Variants in VWA3A observed in about 807,000 individuals in gnomAD.
VWA3A encodes the protein von Willebrand factor A domain-containing protein 3A.
A neutral mutation model predicts 160.4 loss-of-function variants in VWA3A; 134 were observed. The observed-to-expected ratio is 0.84, with a 90% confidence interval of 0.73 to 0.96. The LOEUF (loss-of-function observed/expected upper bound fraction) is 0.96, where lower values mean the gene tolerates loss of function less well. Among genes scored for constraint, VWA3A ranks in the 40% least tolerant of loss-of-function variants. VWA3A has a pLI of 0.00. For synonymous variants in VWA3A, 476 were observed against 543.4 expected, an observed-to-expected ratio of 0.88 and a Z score of 1.72; for missense variants, 1,310 against 1,447.9, an observed-to-expected ratio of 0.90 and a Z score of 1.55.
intron 18 of VWA3A, 30 bp from the exon 19 acceptor site, chr16:22,131,555 C>G: frequency 6.2e-7 from 1 of 1,606,080 alleles, no homozygotes; most frequent in Non-Finnish European, 8.5e-7. Flanking sequence ...GGGCCAATGA[C>G]CCTCAGCATG....
At chr16:22,141,497 A>C in intron 23 of VWA3A, 85 bp from the exon 24 acceptor site, 8 of 1,281,680 alleles carry the variant, frequency 6.2e-6, no homozygotes, top group Non-Finnish European at 8.8e-6. Context: ...GTATAGCTGA[A>C]CTTGAGTGTC....
chr16:22,149,314 G>A (rs969881733), intron 28 of VWA3A, among the ~76,000 whole-genome samples: 5 of 152,038 alleles, frequency 3.3e-5, no homozygotes, highest in Admixed American at 6.6e-5. Context: ...ATCATAGCTC[G>A]CTGCAGCCTC....
intron 17 of VWA3A, among the ~76,000 whole-genome samples, chr16:22,130,550 A>G (rs1000289228): frequency 6.6e-6 from 1 of 152,146 alleles, no homozygotes; most frequent in Non-Finnish European, 1.5e-5. Context: ...CTTCTCAAAG[A>G]TCTTAAATTC....
At chr16:22,098,911 C>CAAA (rs900328333) in intron 3 of VWA3A, among the ~76,000 whole-genome samples, 1,106 of 41,070 alleles carry the variant, frequency 0.027, 91 homozygotes, top group Non-Finnish European at 0.033. Context: ...CCTGTTTCCA[C>CAAA]AAAAAAAAAA....
At chr16:22,119,982 C>A (rs1282895700) in intron 12 of VWA3A, among the ~76,000 whole-genome samples, 1 of 150,238 alleles carries the variant, frequency 6.7e-6, no homozygotes, top group Non-Finnish European at 1.5e-5. Flanking sequence ...AGTCCCACTG[C>A]ACTCCATCTT....
At chr16:22,118,732 C>A (rs2045685991) in intron 11 of VWA3A, among the ~76,000 whole-genome samples, 170 bp from the exon 12 acceptor site, 1 of 152,154 alleles carries the variant, frequency 6.6e-6, no homozygotes, top group African/African-American at 2.4e-5. Context: ...ACAAACGGAG[C>A]ACAGCATGTC....
At chr16:22,105,687 T>C (rs2045473227) in intron 6 of VWA3A, among the ~76,000 whole-genome samples, 1 of 152,368 alleles carries the variant, frequency 6.6e-6, no homozygotes. Context: ...TTGCCTCTTA[T>C]GTACTTGTCC....
intron 21 of VWA3A, among the ~76,000 whole-genome samples, chr16:22,135,230 C>CT (rs1399439029): frequency 3.6e-5 from 2 of 54,834 alleles, no homozygotes; most frequent in Non-Finnish European, 5.5e-5. Flanking sequence ...CTTAGAGGAG[C>CT]CGGCTAAAGT....
At chr16:22,115,916 A>G (rs1482325299) in intron 9 of VWA3A, among the ~76,000 whole-genome samples, 13 of 29,896 alleles carry the variant, frequency 4.3e-4, no homozygotes, top group African/African-American at 1.8e-3. Flanking sequence ...GAAGGAAGGA[A>G]GGAAGGAAAG....
intron 21 of VWA3A, among the ~76,000 whole-genome samples, chr16:22,136,692 G>A (rs577522379): frequency 2.8e-4 from 43 of 151,988 alleles, no homozygotes; most frequent in East Asian, 1.2e-3. Context: ...CTCCCCCTGC[G>A]TGCCTGTGCT....
rs2045971726 is a variant in VWA3A at position 22,132,825 on chromosome 16, A to G, written c.1873-75A>G. 14 of 1,460,704 alleles carry G rather than the reference A, an allele frequency of 9.6e-6. No homozygotes were observed. In the South Asian group the frequency reaches 1.6e-4, roughly 17 times the overall value. 90.5% of individuals were successfully genotyped at this position (1,460,704 alleles called of 1,614,324 possible). On this transcript the variant is annotated intron_variant, in intron 19 of 33. Coordinates refer to ENST00000389398, the MANE Select transcript of VWA3A (RefSeq NM_173615.5). Reference sequence around the variant, plus strand: ...GAGAAGGCCCTGGAGAAACATGGCCAGGCTGGGCTGCCCAGAGCCCCACAG... The same window carrying G: ...GAGAAGGCCCTGGAGAAACATGGCCGGGCTGGGCTGCCCAGAGCCCCACAG...
chr16:22,115,918 G>GAAGGAAGGGA (rs2045630381), intron 9 of VWA3A, among the ~76,000 whole-genome samples: 1 of 31,390 alleles, frequency 3.2e-5, no homozygotes, highest in Non-Finnish European at 4.5e-5. Context: ...AGGAAGGAAG[G>GAAGGAAGGGA]AAGGAAAGGA....
intron 23 of VWA3A, chr16:22,141,102 T>C: frequency 2.3e-6 from 1 of 438,746 alleles, no homozygotes; most frequent in East Asian, 7.0e-5. Flanking sequence ...CTCAGGGGGG[T>C]AAGGATCATG....
Position 22,115,391 on chromosome 16 carries a change from G to C in VWA3A, c.734G>C (p.Gly245Ala). The C allele has an allele frequency of 1.2e-6, 2 of 1,602,334 alleles. No homozygotes were observed. Among genetic ancestry groups the C allele is most frequent in the Non-Finnish European group, 1.7e-6 (2 of 1,174,390 alleles). ...TGGGTAAAGACGCTGCAGCCTGATG[G>C]AGGCAGCAACCTGCTACAAGCTCTG... ...KLWVKTLQPD[G>A]GSNLLQALKK... The change falls in exon 9 of 34, where the codon GGA becomes GCA. Residue 245 changes from glycine (G) to alanine (A), a missense_variant. By Grantham distance (60) the Gly-to-Ala change is moderately conservative. Transcript: ENST00000389398.
intron 11 of VWA3A, among the ~76,000 whole-genome samples, chr16:22,118,634 C>T (rs1407593535): frequency 6.6e-6 from 1 of 151,608 alleles, no homozygotes; most frequent in Non-Finnish European, 1.5e-5. Context: ...TGCCGTGAGC[C>T]GATATTGTGC....
At chr16:22,096,836 T>C (rs2045332326) in intron 1 of VWA3A, 23 bp from the exon 2 acceptor site, 2 of 1,445,218 alleles carry the variant, frequency 1.4e-6, no homozygotes, top group East Asian at 2.5e-5. Flanking sequence ...TATCCTGTTT[T>C]CTGGTATTCT....
intron 11 of VWA3A, among the ~76,000 whole-genome samples, chr16:22,118,534 AAAT>A (rs2045682354): frequency 6.6e-6 from 1 of 151,966 alleles, no homozygotes; most frequent in African/African-American, 2.4e-5. Flanking sequence ...AAATAACAAA[AAAT>A]TAGCCGGGCG....
At chr16:22,141,433 G>A in intron 23 of VWA3A, 149 bp from the exon 24 acceptor site, 1 of 687,314 alleles carries the variant, frequency 1.5e-6, no homozygotes, top group Non-Finnish European at 2.6e-6. Context: ...GACCTGGCGG[G>A]GGAGGACACA....
chr16:22,111,093 C>A (rs1428225117), intron 8 of VWA3A, 99 bp downstream of exon 8: 3 of 1,035,540 alleles, frequency 2.9e-6, no homozygotes, highest in South Asian at 3.4e-5. Context: ...ACCCCAGGAC[C>A]CTACTAGATA....
Sources: gnomAD v4.1 joint callset for allele counts (sites outside exome capture counted in the v4.1 genomes callset) on GRCh38, gnomAD v4.1.1 for gene constraint, MANE v1.5 for transcripts, NCBI Gene and HGNC (gene_info 2026-07-23, HGNC 2026-07-21) for gene names.